USP42: variants seen among roughly 807,000 people sequenced by gnomAD.
USP42 encodes ubiquitin specific peptidase 42, also known as ubiquitin carboxyl-terminal hydrolase 42.
USP42 carries 23 observed loss-of-function variants against 113.0 expected under a neutral mutation model. The ratio of observed to expected loss-of-function variants is 0.20; its 90% CI spans 0.15 to 0.29. USP42 has a LOEUF of 0.29. Ranked by LOEUF, USP42 falls within the 10% of genes least tolerant of loss-of-function variation. The pLI, the probability that USP42 is intolerant of heterozygous loss-of-function variation, is 1.00. For synonymous variants in USP42, 933 were observed against 699.0 expected (o/e 1.33, Z -5.28); for missense variants, 2,174 against 1,779.8 (o/e 1.22, Z -3.99).
At chr7:6,119,022 C>T (rs1422002105) in intron 3 of USP42, among the ~76,000 whole-genome samples, 3 of 150,860 alleles carry the variant, frequency 2.0e-5, no homozygotes, top group Admixed American at 6.6e-5. Context: ...TGAGACCAGC[C>T]TGGGCAACAT....
intron 1 of USP42, among the ~76,000 whole-genome samples, chr7:6,109,924 C>T (rs1015176443): frequency 4.0e-5 from 6 of 151,730 alleles, no homozygotes; most frequent in Admixed American, 2.6e-4. Flanking sequence ...TGGTCTCAAA[C>T]GCCTGACCTC....
chr7:6,120,796 C>G (rs1404510143), intron 3 of USP42, among the ~76,000 whole-genome samples: 1 of 152,054 alleles, frequency 6.6e-6, no homozygotes, highest in Non-Finnish European at 1.5e-5. Flanking sequence ...GTTGGCCAAG[C>G]TGGTCTCGAA....
the USP42 span, among the ~76,000 whole-genome samples, chr7:6,086,552 G>T: frequency 4.6e-5 from 7 of 150,854 alleles, no homozygotes. Flanking sequence ...TTTTCACCAT[G>T]TTGGCCATGC....
chr7:6,135,792 G>A (rs1346987011), intron 3 of USP42, 49 bp from the exon 4 acceptor site: 1 of 1,164,426 alleles, frequency 8.6e-7, no homozygotes, highest in Non-Finnish European at 1.2e-6. Flanking sequence ...CTTGATGTGT[G>A]TATATGGTTG....
intron 7 of USP42, among the ~76,000 whole-genome samples, chr7:6,142,369 A>G (rs1232633654): frequency 6.6e-6 from 1 of 151,832 alleles, no homozygotes; most frequent in African/African-American, 2.4e-5. Flanking sequence ...GGCGCGTGCC[A>G]CTGTGCCCTG....
intron 4 of USP42, 122 bp downstream of exon 4, chr7:6,136,073 C>T (rs370643855): frequency 2.3e-5 from 13 of 572,784 alleles, no homozygotes; most frequent in Admixed American, 1.1e-4. Context: ...GGCGCTATTT[C>T]GGCTCACTGC....
At chr7:6,155,998 C>A (rs1228876726) in intron 15 of USP42, among the ~76,000 whole-genome samples, 5 of 152,168 alleles carry the variant, frequency 3.3e-5, no homozygotes, top group Admixed American at 6.5e-5. Context: ...CTCAAGCGAT[C>A]CCAAAGCACT....
the USP42 span, among the ~76,000 whole-genome samples, chr7:6,097,276 A>T: frequency 6.6e-6 from 1 of 150,512 alleles, no homozygotes; most frequent in African/African-American, 2.5e-5. Context: ...ATGGAATGTC[A>T]CCAGCTGGTA....
chr7:6,117,571 G>A (rs1467245281), intron 3 of USP42, among the ~76,000 whole-genome samples: 1 of 152,144 alleles, frequency 6.6e-6, no homozygotes, highest in Non-Finnish European at 1.5e-5. Flanking sequence ...GGAGTAAAAT[G>A]GCTTGGTCCT....
At chr7:6,120,205 C>T (rs940672285) in intron 3 of USP42, among the ~76,000 whole-genome samples, 2 of 152,128 alleles carry the variant, frequency 1.3e-5, no homozygotes, top group African/African-American at 4.8e-5. Flanking sequence ...ACCTCATGAT[C>T]TGCCTGCCTC....
chr7:6,139,767 G>A lies in USP42; in HGVS notation c.657-361G>A. ...TCATTGTCCGGGTGATGACATACTT[G>A]GGTCGGAGGAAGACTCTCTGCCTTT... On this transcript the variant is annotated intron_variant, in intron 5 of 17. Coordinates refer to ENST00000306177, the MANE Select transcript of USP42 (RefSeq NM_032172.3). The surrounding 1 kb of genome is among the most constrained non-coding windows in gnomAD (Gnocchi z 4.5). 2.9e-6 allele frequency: 1 copy of A among 345,282 alleles called. No individual in the cohort carries two copies. Among genetic ancestry groups the A allele is most frequent in the Non-Finnish European group, 5.4e-6 (1 of 183,608 alleles). 21.4% of individuals were successfully genotyped at this position (345,282 alleles called of 1,614,324 possible). A position where few individuals can be genotyped will look rare whatever the true frequency, so the allele number is the denominator to read the frequency against.
Position 6,154,623 on chromosome 7 carries a change from A to C in USP42, c.3069A>C (p.Arg1023=), listed in dbSNP as rs1782308249. ...SLGRCSHHHS[R]HRSGVELDWV... ...GCAGGTGCAGTCACCACCACTCCCG[A>C]CACCGGAGCGGGGTGGAGCTGGACT... is the stretch of plus-strand genomic sequence containing the variant. The change falls in exon 15 of 18, where the codon CGA becomes CGC. Residue 1023 remains arginine (R), a synonymous_variant. Coordinates refer to ENST00000306177, the MANE Select transcript of USP42 (RefSeq NM_032172.3). The C allele has an allele frequency of 1.3e-6, 2 of 1,599,516 alleles. No homozygotes were observed. The highest frequency in any genetic ancestry group is 2.3e-5 in the South Asian group (2 of 88,604).
chr7:6,129,843 A>G (rs1478734248), intron 3 of USP42, among the ~76,000 whole-genome samples: 3 of 150,464 alleles, frequency 2.0e-5, no homozygotes, highest in Non-Finnish European at 4.4e-5. Context: ...CCTGGGTGAC[A>G]GAGTGAGACT....
chr7:6,096,736 C>T, the USP42 span, among the ~76,000 whole-genome samples: 3 of 151,068 alleles, frequency 2.0e-5, 1 homozygote, highest in African/African-American at 7.4e-5. Flanking sequence ...ATGATATATA[C>T]TGTGCTTTTG....
In USP42 at chr7:6,139,401, A is replaced by T; in HGVS notation, c.656+207A>T. 2.2e-6 allele frequency: 1 copy of T among 450,670 alleles called. No homozygotes were observed. Among genetic ancestry groups the T allele is most frequent in the Non-Finnish European group, 3.9e-6 (1 of 256,630 alleles). 27.9% of individuals were successfully genotyped at this position (450,670 alleles called of 1,614,324 possible). On this transcript the variant is annotated intron_variant, in intron 5 of 17. Coordinates refer to ENST00000306177, the MANE Select transcript of USP42 (RefSeq NM_032172.3). This position sits in a 1 kb window ranked among gnomAD's most constrained non-coding sequence, Gnocchi z 4.5. Reference sequence around the variant, plus strand: ...CACGTGTGTCTTACGTAACAGTTTGAGTTGGCTCAATCATAGATGTCAGGA... The same window carrying T: ...CACGTGTGTCTTACGTAACAGTTTGTGTTGGCTCAATCATAGATGTCAGGA...
the USP42 span, among the ~76,000 whole-genome samples, chr7:6,082,097 A>T: frequency 6.6e-6 from 1 of 151,788 alleles, no homozygotes; most frequent in Non-Finnish European, 1.5e-5. Context: ...ACGTGTATGT[A>T]TGCAGAAAAT....
At chr7:6,089,596 G>A in the USP42 span, among the ~76,000 whole-genome samples, 9 of 147,304 alleles carry the variant, frequency 6.1e-5, no homozygotes, top group East Asian at 2.0e-4. Flanking sequence ...GCAAGGGTGC[G>A]ATCTCGGCTC....
At chr7:6,121,032 GT>G (rs895812427) in intron 3 of USP42, among the ~76,000 whole-genome samples, 140 of 146,698 alleles carry the variant, frequency 9.5e-4, no homozygotes, top group East Asian at 4.7e-3. Context: ...ATTCTAGTAG[GT>G]TTTTTTTTTT....
intron 8 of USP42, among the ~76,000 whole-genome samples, chr7:6,143,389 C>T (rs1300387948): frequency 6.6e-6 from 1 of 152,106 alleles, no homozygotes; most frequent in African/African-American, 2.4e-5. Flanking sequence ...GGTGGGGAGT[C>T]ACTTTCTTCT....
Sources: gnomAD v4.1 joint callset for allele counts (sites outside exome capture counted in the v4.1 genomes callset) on GRCh38, gnomAD v4.1.1 for gene constraint, Gnocchi (gnomAD v3.1) non-coding constraint, MANE v1.5 for transcripts, NCBI Gene and HGNC (gene_info 2026-07-23, HGNC 2026-07-21) for gene names.